The following DPYSL3 variants were observed in gnomAD, a reference collection of about 807,000 sequenced individuals.
DPYSL3 encodes the protein dihydropyrimidinase like 3, also known as dihydropyrimidinase-related protein 3.
DPYSL3 carries 16 observed loss-of-function variants against 66.1 expected under a neutral mutation model. The observed-to-expected ratio is 0.24, with a 90% CI of 0.16 to 0.37. DPYSL3 has a LOEUF of 0.37. Ranked by LOEUF, DPYSL3 falls within the 10% of genes least tolerant of loss-of-function variation. The pLI is 1.00. For synonymous variants in DPYSL3, 338 were observed against 345.1 expected, an observed-to-expected ratio of 0.98 and a Z score of 0.23; for missense variants, 738 against 916.2, an observed-to-expected ratio of 0.81 and a Z score of 2.51.
chr5:147,500,192 A>T (rs551276857), intron 1 of DPYSL3, among the ~76,000 whole-genome samples: 1 of 152,372 alleles, frequency 6.6e-6, no homozygotes, highest in African/African-American at 2.4e-5. Context: ...TATTAAAATT[A>T]AAAACATATG....
At chr5:147,398,973 AC>A (rs2152016092) in intron 11 of DPYSL3, 108 bp downstream of exon 11, 2 of 1,422,044 alleles carry the variant, frequency 1.4e-6, no homozygotes, top group Admixed American at 4.5e-5. Flanking sequence ...TATTATTGCA[AC>A]CCGTCCTAGT....
At chr5:147,401,317 A>T (rs928875548) in intron 9 of DPYSL3, among the ~76,000 whole-genome samples, 1 of 152,198 alleles carries the variant, frequency 6.6e-6, no homozygotes, top group African/African-American at 2.4e-5. Flanking sequence ...AATAGGTTTT[A>T]ACTACTATTA....
chr5:147,491,162 C>T (rs982565179), intron 1 of DPYSL3, among the ~76,000 whole-genome samples: 22 of 152,168 alleles, frequency 1.4e-4, no homozygotes, highest in Admixed American at 4.6e-4. Context: ...AAGGAAAATA[C>T]GCAACTCCAG....
chr5:147,426,414 T>TA (rs1213423474), intron 1 of DPYSL3, among the ~76,000 whole-genome samples: 1 of 151,992 alleles, frequency 6.6e-6, no homozygotes, highest in East Asian at 1.9e-4. Flanking sequence ...CTGGGTTTGG[T>TA]AAGAGTTTGA....
At chr5:147,463,386 C>T (rs1310787818) in intron 1 of DPYSL3, among the ~76,000 whole-genome samples, 1 of 152,092 alleles carries the variant, frequency 6.6e-6, no homozygotes, top group Non-Finnish European at 1.5e-5. Flanking sequence ...AAAACAAAAA[C>T]GTGGCTTAAG....
intron 1 of DPYSL3, among the ~76,000 whole-genome samples, chr5:147,442,534 G>A (rs150594526): frequency 5.3e-4 from 80 of 152,248 alleles, no homozygotes; most frequent in African/African-American, 1.8e-3. Flanking sequence ...ACTTCGGGAA[G>A]ATTACTCAAC....
intron 1 of DPYSL3, among the ~76,000 whole-genome samples, chr5:147,466,659 C>T (rs1044415793): frequency 3.9e-5 from 6 of 152,178 alleles, no homozygotes; most frequent in Non-Finnish European, 7.3e-5. Flanking sequence ...GAAACTCACT[C>T]CTGGATGGGG....
In DPYSL3 at chr5:147,476,890, A is replaced by C. The variant is rs528488771; in HGVS notation, c.381+32588T>G. ...GGGGTATCTGGCAAAAAACAAAAGCATTAGAAAGAGACACCCTTTAGATGC... is the reference window on the plus strand; with the variant it reads ...GGGGTATCTGGCAAAAAACAAAAGCCTTAGAAAGAGACACCCTTTAGATGC... On this transcript the variant is annotated intron_variant, in intron 1 of 13. Transcript: ENST00000343218. Among the ~76,000 whole-genome samples the C allele has an allele frequency of 2.0e-5, 3 of 152,348 alleles. No individual in the cohort carries two copies. In the East Asian group the frequency reaches 5.8e-4, roughly 29 times the overall value.
chr5:147,445,421 A>G (rs1338566095), intron 1 of DPYSL3, among the ~76,000 whole-genome samples: 1 of 152,258 alleles, frequency 6.6e-6, no homozygotes, highest in African/African-American at 2.4e-5. Context: ...AAGCTTATGT[A>G]CAAGAACAAA....
Position 147,412,657 on chromosome 5 carries a change from A to C in DPYSL3, c.914T>G (p.Leu305Arg), listed in dbSNP as rs1392889178. 1 of 1,612,854 alleles carries C rather than the reference A, an allele frequency of 6.2e-7. No individual in the cohort carries two copies. The highest frequency in any genetic ancestry group is 8.5e-7 in the Non-Finnish European group (1 of 1,179,514). ...AGCATGAACTTGAGCAATGGCCCCC[A>C]GCTCTCCCAGGCAGGTGAAGATCTC... ...LYEIFTCLGE[L>R]GAIAQVHAEN... The change falls in exon 6 of 14, where the codon CTG becomes CGG. Residue 305 changes from leucine (L) to arginine (R), a missense_variant. By Grantham distance (102) the Leu-to-Arg change is moderately radical. Transcript: ENST00000343218.
intron 8 of DPYSL3, 53 bp downstream of exon 8, chr5:147,405,557 A>G: frequency 6.4e-7 from 1 of 1,559,066 alleles, no homozygotes; most frequent in Admixed American, 1.9e-5. Context: ...CCAGAGAGGG[A>G]AGGAGCCACA....
At chr5:147,438,790 T>C (rs184734309) in intron 1 of DPYSL3, among the ~76,000 whole-genome samples, 4 of 152,396 alleles carry the variant, frequency 2.6e-5, no homozygotes, top group Non-Finnish European at 5.9e-5. Context: ...TTGTAACATG[T>C]ATTAAATTTT....
chr5:147,400,979 T>C, intron 9 of DPYSL3, 146 bp from the exon 10 acceptor site: 1 of 1,102,050 alleles, frequency 9.1e-7, no homozygotes, highest in Non-Finnish European at 1.2e-6. Context: ...ATATATGAGC[T>C]TGGATGAGTT....
intron 1 of DPYSL3, among the ~76,000 whole-genome samples, chr5:147,477,753 T>G (rs892169520): frequency 3.1e-4 from 46 of 150,730 alleles, no homozygotes; most frequent in African/African-American, 1.1e-3. Flanking sequence ...CGGCTAATTT[T>G]TTGTATTTTT....
At chr5:147,403,907 G>C (rs532034385) in intron 8 of DPYSL3, among the ~76,000 whole-genome samples, 2 of 152,110 alleles carry the variant, frequency 1.3e-5, no homozygotes, top group Non-Finnish European at 2.9e-5. Context: ...AAAAGGCTCA[G>C]GGTTAGGAAT....
chr5:147,470,942 C>T (rs752155771), intron 1 of DPYSL3, among the ~76,000 whole-genome samples: 3 of 152,150 alleles, frequency 2.0e-5, no homozygotes, highest in Non-Finnish European at 4.4e-5. Context: ...ATCTGTTTTG[C>T]TGAACACTTC....
intron 1 of DPYSL3, among the ~76,000 whole-genome samples, chr5:147,429,788 C>A (rs576384708): frequency 1.3e-5 from 2 of 152,128 alleles, no homozygotes; most frequent in African/African-American, 4.8e-5. Flanking sequence ...TCTGACAGGG[C>A]TCTCTTCTCT....
intron 1 of DPYSL3, among the ~76,000 whole-genome samples, chr5:147,427,531 A>G (rs946382242): frequency 2.0e-5 from 3 of 152,342 alleles, no homozygotes; most frequent in South Asian, 2.1e-4. Flanking sequence ...GTGATATACT[A>G]TTTTAACAGT....
rs546225404 is a variant in DPYSL3, at chr5:147,391,873, C to T, written c.*2162G>A. On this transcript the variant is annotated 3_prime_UTR_variant, in exon 14 of 14. Coordinates refer to ENST00000343218, the MANE Select transcript of DPYSL3 (RefSeq NM_001197294.2). ...AAGGTTCTGGTGGAATGGTTCACTT[C>T]GGAAGTCCCAAGGGCAGTGCGGATG... The T allele has an allele frequency of 3.9e-5, 6 of 152,230 alleles. No individual in the cohort carries two copies. Among genetic ancestry groups the T allele is most frequent in the Middle Eastern group, 3.4e-3 (1 of 296 alleles). 9.4% of individuals were successfully genotyped at this position (152,230 alleles called of 1,614,324 possible).
Sources: gnomAD v4.1 joint callset for allele counts (sites outside exome capture counted in the v4.1 genomes callset) on GRCh38, gnomAD v4.1.1 for gene constraint, MANE v1.5 for transcripts, NCBI Gene and HGNC (gene_info 2026-07-23, HGNC 2026-07-21) for gene names.